FSCN1: variants seen among roughly 807,000 people sequenced by gnomAD.
FSCN1 encodes the protein fascin.
A neutral mutation model predicts 39.7 loss-of-function variants in FSCN1; 10 were observed. The ratio of observed to expected loss-of-function variants is 0.25; its 90% CI spans 0.16 to 0.43. The LOEUF (loss-of-function observed/expected upper bound fraction) is 0.43, where lower values mean the gene tolerates loss of function less well. Among genes scored for constraint, FSCN1 ranks in the 20% least tolerant of loss-of-function variants. The pLI, the probability that FSCN1 is intolerant of heterozygous loss-of-function variation, is 1.00. For missense variants in FSCN1, 525 were observed against 723.8 expected, an observed-to-expected ratio of 0.73 and a Z score of 3.15; for synonymous variants, 322 against 320.0, an observed-to-expected ratio of 1.01 and a Z score of -0.07.
At position 5,606,602 on chromosome 7, in the gene FSCN1, A is replaced by G. The variant is rs1785938559; in HGVS notation, c.*1128A>G. The G allele has an allele frequency of 6.6e-6, 1 of 151,412 alleles. No homozygotes were observed. Among genetic ancestry groups the G allele is most frequent in the Non-Finnish European group, 1.5e-5 (1 of 67,836 alleles). The allele number at this position is 151,412 out of a possible 1,614,324, so 9.4% of individuals were successfully genotyped here. ...ATTTGTATAACTCTAAACGCCCATG[A>G]TAGTAGCTTCAAACTGGAAATAGCG... is the stretch of plus-strand genomic sequence containing the variant. On this transcript the variant is annotated 3_prime_UTR_variant, in exon 5 of 5. Transcript: ENST00000382361. This position sits in a 1 kb window ranked among gnomAD's most constrained non-coding sequence, Gnocchi z 5.1.
At chr7:5,597,819 G>A (rs1314614172) in intron 1 of FSCN1, among the ~76,000 whole-genome samples, 1 of 152,048 alleles carries the variant, frequency 6.6e-6, no homozygotes, top group Non-Finnish European at 1.5e-5. Context: ...AGGACAGGCA[G>A]GGCTAGACCT....
chr7:5,597,599 G>A (rs770586426), intron 1 of FSCN1, among the ~76,000 whole-genome samples: 2 of 147,790 alleles, frequency 1.4e-5, no homozygotes, highest in Non-Finnish European at 3.0e-5. Context: ...CCCGGGAGGC[G>A]GAAGTTGCAG....
chr7:5,603,653 GGA>G lies in FSCN1; in HGVS notation c.1111+38_1111+39del, dbSNP rs1317272863. The G allele has an allele frequency of 6.2e-7, 1 of 1,613,146 alleles. No homozygotes were observed. Among genetic ancestry groups the G allele is most frequent in the South Asian group, 1.1e-5 (1 of 91,044 alleles). ...AGCCCCAGTTCCCTGGAGCCGTCCT[GGA>G]GTCCTGGAGGGTCTGGCCATGCCGT... On this transcript the variant is annotated intron_variant, in intron 3 of 4. Transcript: ENST00000382361. This position sits in a 1 kb window ranked among gnomAD's most constrained non-coding sequence, Gnocchi z 8.5.
In FSCN1 at chr7:5,603,762, C is replaced by A; in HGVS notation, c.1112-101C>A. 6.8e-7 allele frequency: 1 copy of A among 1,461,446 alleles called. No homozygotes were observed. The highest frequency in any genetic ancestry group is 9.4e-7 in the Non-Finnish European group (1 of 1,062,532). 90.5% of individuals were successfully genotyped at this position (1,461,446 alleles called of 1,614,324 possible). A position where few individuals can be genotyped will look rare whatever the true frequency, so the allele number is the denominator to read the frequency against. ...GCCCCGCACTGTCCTACCCTGGGGA[C>A]TGCTGTGTGACCCCAGCTCCTGGCC... On this transcript the variant is annotated intron_variant, in intron 3 of 4. Transcript: ENST00000382361. This position sits in a 1 kb window ranked among gnomAD's most constrained non-coding sequence, Gnocchi z 8.5.
Position 5,603,172 on chromosome 7 carries a change from T to C in FSCN1, c.833-85T>C. On this transcript the variant is annotated intron_variant, in intron 1 of 4. Coordinates refer to ENST00000382361, the MANE Select transcript of FSCN1 (RefSeq NM_003088.4). The surrounding 1 kb of genome is among the most constrained non-coding windows in gnomAD (Gnocchi z 8.5). Reference sequence around the variant, plus strand: ...CCACCCCGTGGTGTTACCTTGCGTGTGTAGTTCTGTGAGCTCAGGGCTATG... The same window carrying C: ...CCACCCCGTGGTGTTACCTTGCGTGCGTAGTTCTGTGAGCTCAGGGCTATG... The C allele has an allele frequency of 6.7e-7, 1 of 1,487,008 alleles. No homozygotes were observed. The highest frequency in any genetic ancestry group is 9.2e-7 in the Non-Finnish European group (1 of 1,083,618). 92.1% of individuals were successfully genotyped at this position (1,487,008 alleles called of 1,614,324 possible).
intron 4 of FSCN1, 89 bp downstream of exon 4, chr7:5,604,119 C>CTGGA: frequency 7.9e-7 from 1 of 1,270,012 alleles, no homozygotes; most frequent in Non-Finnish European, 1.1e-6. Flanking sequence ...TGCATCCACA[C>CTGGA]TGGACCCTGG....
chr7:5,592,883 G>T lies in FSCN1; in HGVS notation c.-54G>T, dbSNP rs1370787922. ...CAAAGGAGCAGGGGCGCCGCCGCAG[G>T]GACCCGCCACCCACCTCCCGGGGCC... On this transcript the variant is annotated 5_prime_UTR_variant, in exon 1 of 5. Coordinates refer to ENST00000382361, the MANE Select transcript of FSCN1 (RefSeq NM_003088.4). The surrounding 1 kb of genome is among the most constrained non-coding windows in gnomAD (Gnocchi z 5.3). The T allele has an allele frequency of 6.1e-6, 7 of 1,148,382 alleles. No individual in the cohort carries two copies. Among genetic ancestry groups the T allele is most frequent in the Non-Finnish European group, 7.2e-6 (6 of 829,034 alleles). The allele number at this position is 1,148,382 out of a possible 1,614,324, so 71.1% of individuals were successfully genotyped here. A position where few individuals can be genotyped will look rare whatever the true frequency, so the allele number is the denominator to read the frequency against.
intron 1 of FSCN1, among the ~76,000 whole-genome samples, chr7:5,595,263 G>T (rs1785709968): frequency 6.6e-6 from 1 of 152,230 alleles, no homozygotes; most frequent in South Asian, 2.1e-4. Context: ...TTTTGTGCCT[G>T]AAGTTTGCTA....
chr7:5,593,776 G>A lies in FSCN1; in HGVS notation c.832+8G>A. ...ACGTGTCCACGCGCCAGGGTGAGTG[G>A]GGACGCTGCCCCCGCCTCTCCTGGT... is the stretch of plus-strand genomic sequence containing the variant. On this transcript the variant is annotated splice_region_variant and intron_variant, in intron 1 of 4. Transcript: ENST00000382361. 1 of 1,527,100 alleles carries A rather than the reference G, an allele frequency of 6.5e-7. No homozygotes were observed. Among genetic ancestry groups the A allele is most frequent in the South Asian group, 1.2e-5 (1 of 85,298 alleles). The allele number at this position is 1,527,100 out of a possible 1,614,324, so 94.6% of individuals were successfully genotyped here.
chr7:5,593,758 C>T lies in FSCN1; in HGVS notation c.822C>T (p.Ser274=), dbSNP rs906481719. ...AGGCGGCCAACGAGAGGAACGTGTC[C>T]ACGCGCCAGGGTGAGTGGGGACGCT... ...VLQAANERNV[S]TRQGMDLSAN... Residue 274 remains serine (S), a synonymous_variant, in exon 1 of 5, where the codon TCC becomes TCT. Transcript: ENST00000382361. The T allele has an allele frequency of 8.2e-6, 13 of 1,577,904 alleles. No homozygotes were observed. The Middle Eastern group carries it at 1.2e-3, about 141-fold the overall frequency.
At chr7:5,597,836 AAGG>A (rs1785758690) in intron 1 of FSCN1, among the ~76,000 whole-genome samples, 1 of 151,530 alleles carries the variant, frequency 6.6e-6, no homozygotes, top group Non-Finnish European at 1.5e-5. Flanking sequence ...ACCTCTCTGG[AAGG>A]AGGAGGGAGA....
intron 1 of FSCN1, 23 bp downstream of exon 1, chr7:5,593,791 C>T (rs1397533427): frequency 6.8e-7 from 1 of 1,463,794 alleles, no homozygotes; most frequent in Non-Finnish European, 9.2e-7. Context: ...GCTGCCCCCG[C>T]CTCTCCTGGT....
chr7:5,603,227 C>T lies in FSCN1; in HGVS notation c.833-30C>T. Reference sequence around the variant, plus strand: ...GCCAGAACTAGGGGGCGTGGGGCCCCAGTACCAGCCCAAGGCCTCCTCTCT... The same window carrying T: ...GCCAGAACTAGGGGGCGTGGGGCCCTAGTACCAGCCCAAGGCCTCCTCTCT... On this transcript the variant is annotated intron_variant, in intron 1 of 4. Coordinates refer to ENST00000382361, the MANE Select transcript of FSCN1 (RefSeq NM_003088.4). The surrounding 1 kb of genome is among the most constrained non-coding windows in gnomAD (Gnocchi z 8.5). 6.2e-7 allele frequency: 1 copy of T among 1,610,386 alleles called. No individual in the cohort carries two copies. The highest frequency in any genetic ancestry group is 8.5e-7 in the Non-Finnish European group (1 of 1,179,470).
At chr7:5,593,958 G>C in intron 1 of FSCN1, 190 bp downstream of exon 1, 1 of 562,854 alleles carries the variant, frequency 1.8e-6, no homozygotes, top group Non-Finnish European at 3.1e-6. Flanking sequence ...GCCCATCCTC[G>C]GGTGCCGCTG....
At chr7:5,595,066 C>A (rs1785706713) in intron 1 of FSCN1, among the ~76,000 whole-genome samples, 1 of 152,180 alleles carries the variant, frequency 6.6e-6, no homozygotes, top group Non-Finnish European at 1.5e-5. Flanking sequence ...GGATCTTTTT[C>A]CCTGGATAGG....
chr7:5,604,341 G>A (rs537350134), intron 4 of FSCN1, among the ~76,000 whole-genome samples: 3 of 151,854 alleles, frequency 2.0e-5, no homozygotes, highest in Non-Finnish European at 4.4e-5. Context: ...GAGCCGGGAA[G>A]GAGAGGAGAG....
chr7:5,604,220 CTG>C (rs956625788), intron 4 of FSCN1, among the ~76,000 whole-genome samples, 190 bp downstream of exon 4: 1 of 151,502 alleles, frequency 6.6e-6, no homozygotes, highest in Non-Finnish European at 1.5e-5. Context: ...TCCCTCTTGT[CTG>C]TGTGGTTGGG....
Position 5,605,167 on chromosome 7 carries a change from A to G in FSCN1, c.1280-105A>G. The G allele has an allele frequency of 1.3e-6, 1 of 788,884 alleles. No homozygotes were observed. The highest frequency in any genetic ancestry group is 2.1e-6 in the Non-Finnish European group (1 of 466,600). 48.9% of individuals were successfully genotyped at this position (788,884 alleles called of 1,614,324 possible). On this transcript the variant is annotated intron_variant, in intron 4 of 4. Coordinates refer to ENST00000382361, the MANE Select transcript of FSCN1 (RefSeq NM_003088.4). This position sits in a 1 kb window ranked among gnomAD's most constrained non-coding sequence, Gnocchi z 6.9. ...TGGCTCATTCCGGAGCCGGGACTGG[A>G]GGGTGGGGCGTCACCCTTGGGAACA...
Position 5,603,051 on chromosome 7 carries a change from T to G in FSCN1, c.833-206T>G. The stretch of plus-strand genomic sequence containing the variant: ...CTGGGGAAAGTCATGTGGGAACAGA[T>G]GTAGCTTGCCTTGGCCTCTGACCGG... On this transcript the variant is annotated intron_variant, in intron 1 of 4. Coordinates refer to ENST00000382361, the MANE Select transcript of FSCN1 (RefSeq NM_003088.4). This position sits in a 1 kb window ranked among gnomAD's most constrained non-coding sequence, Gnocchi z 8.5. The G allele has an allele frequency of 1.7e-6, 1 of 600,978 alleles. No homozygotes were observed. The highest frequency in any genetic ancestry group is 2.0e-5 in the South Asian group (1 of 50,944). 37.2% of individuals were successfully genotyped at this position (600,978 alleles called of 1,614,324 possible).
Sources: allele counts gnomAD v4.1 joint callset (sites outside exome capture counted in the v4.1 genomes callset), GRCh38; gene constraint gnomAD v4.1.1; non-coding constraint Gnocchi (gnomAD v3.1); transcripts MANE v1.5; gene names NCBI Gene and HGNC (gene_info 2026-07-23, HGNC 2026-07-21).